Variants in CBFA2T3 observed in about 807,000 individuals in gnomAD.
CBFA2T3 encodes transcriptional corepressor CBFA2T3.
A neutral mutation model predicts 58.6 loss-of-function variants in CBFA2T3; 31 were observed. The ratio of observed to expected loss-of-function variants is 0.53; its 90% CI spans 0.40 to 0.71. The LOEUF (loss-of-function observed/expected upper bound fraction) is 0.71, where lower values mean the gene tolerates loss of function less well. CBFA2T3 is among the 30% of genes least tolerant of loss of function. The pLI, the probability that CBFA2T3 is intolerant of heterozygous loss-of-function variation, is 0.00. For missense variants in CBFA2T3, 1,076 were observed against 963.1 expected (o/e 1.12, Z -1.55); for synonymous variants, 531 against 421.9 (o/e 1.26, Z -3.17).
At chr16:88,890,893 T>C (rs1471440179) in intron 5 of CBFA2T3, among the ~76,000 whole-genome samples, 2 of 152,108 alleles carry the variant, frequency 1.3e-5, no homozygotes, top group African/African-American at 4.8e-5. Context: ...TTTATATTTT[T>C]TGTAGAGATG....
At chr16:88,932,813 A>G (rs1971358819) in intron 1 of CBFA2T3, among the ~76,000 whole-genome samples, 1 of 146,388 alleles carries the variant, frequency 6.8e-6, no homozygotes, top group South Asian at 2.1e-4. Flanking sequence ...AAAAAAAAAA[A>G]AAAAAAAAAG....
rs1968838391 is a variant in CBFA2T3, at chr16:88,876,627, G to C, written c.*349C>G. 3.3e-6 allele frequency: 1 copy of C among 305,296 alleles called. No homozygotes were observed. The highest frequency in any genetic ancestry group is 1.4e-4 in the South Asian group (1 of 6,984). 18.9% of individuals were successfully genotyped at this position (305,296 alleles called of 1,614,324 possible). A position where few individuals can be genotyped will look rare whatever the true frequency, so the allele number is the denominator to read the frequency against. On this transcript the variant is annotated 3_prime_UTR_variant, in exon 12 of 12. Transcript: ENST00000268679. ...TAGAGAAGACAGAGGGGGAGAGACA[G>C]ACAGAGAGGAAAAGAGAGGTGGGCA...
chr16:88,895,454 T>C (rs1007415267), intron 3 of CBFA2T3, among the ~76,000 whole-genome samples: 2 of 152,100 alleles, frequency 1.3e-5, no homozygotes, highest in African/African-American at 4.8e-5. Flanking sequence ...ACACATCCCA[T>C]GCGGCAAATG....
rs143614023 is a variant in CBFA2T3, at chr16:88,885,058, G to A, written c.1105C>T (p.His369Tyr). 462 of 1,598,630 alleles carry A rather than the reference G, an allele frequency of 2.9e-4. 1 individual carries two copies. The highest frequency in any genetic ancestry group is 1.5e-4 in the Non-Finnish European group (180 of 1,176,600). ...CCGGGCTGCTCACCAAGCGGCCGAT[G>A]GCGCTCTCGTAGCTCCCGGGGGTCT... ...HPDPRELRERHRPLVVPGSRQ... is the reference protein window; with the variant it reads ...HPDPRELRERYRPLVVPGSRQ... Residue 369 changes from histidine (H) to tyrosine (Y), a missense_variant, in exon 7 of 12, where the codon CAT (histidine) becomes TAT (tyrosine). Transcript: ENST00000268679. The surrounding 1 kb of genome is among the most constrained non-coding windows in gnomAD (Gnocchi z 5.3).
intron 3 of CBFA2T3, among the ~76,000 whole-genome samples, chr16:88,896,501 G>A (rs28367386): frequency 0.19 from 28,625 of 152,128 alleles, 2,879 homozygotes; most frequent in East Asian, 0.45. Flanking sequence ...CTGGTCTCTC[G>A]CCTTCTGAGC....
In CBFA2T3 at chr16:88,891,976, A is replaced by T. The variant is rs756608268; in HGVS notation, c.622-5T>A. On this transcript the variant is annotated splice_region_variant and splice_polypyrimidine_tract_variant and intron_variant, in intron 4 of 11. Coordinates refer to ENST00000268679, the MANE Select transcript of CBFA2T3 (RefSeq NM_005187.6). ...CTCGATCGTCAATGTCGAGTTCTGCAGGGGAGAAAACCCACCTCACATCAG... is the reference window on the plus strand; with the variant it reads ...CTCGATCGTCAATGTCGAGTTCTGCTGGGGAGAAAACCCACCTCACATCAG... 1 of 1,611,180 alleles carries T rather than the reference A, an allele frequency of 6.2e-7. No homozygotes were observed. Among genetic ancestry groups the T allele is most frequent in the Non-Finnish European group, 8.5e-7 (1 of 1,178,216 alleles).
At chr16:88,912,508 C>G (rs867440949) in intron 1 of CBFA2T3, among the ~76,000 whole-genome samples, 18 of 152,346 alleles carry the variant, frequency 1.2e-4, no homozygotes, top group African/African-American at 3.1e-4. Context: ...GCAAATGTCC[C>G]TCCTCAGAGA....
chr16:88,898,643 G>A (rs531556427), intron 2 of CBFA2T3, among the ~76,000 whole-genome samples: 4 of 152,370 alleles, frequency 2.6e-5, no homozygotes, highest in Admixed American at 6.5e-5. Context: ...GGCCGAAGCC[G>A]CGTGTCCTAA....
intron 1 of CBFA2T3, among the ~76,000 whole-genome samples, chr16:88,903,872 C>T (rs1247846836): frequency 1.3e-5 from 2 of 152,236 alleles, no homozygotes. Context: ...TTTCCAAAGC[C>T]CTCCCATGGA....
intron 1 of CBFA2T3, among the ~76,000 whole-genome samples, chr16:88,973,536 ATCCAGACCCAGAACAT>A (rs757390475): frequency 8.5e-5 from 13 of 152,272 alleles, no homozygotes; most frequent in African/African-American, 3.1e-4. Flanking sequence ...GGGGAGGGCA[ATCCAGACCCAGAACAT>A]TCCAGACCCA....
At chr16:88,964,001 G>GAGAGCTGCCC (rs1689850897) in intron 1 of CBFA2T3, among the ~76,000 whole-genome samples, 1 of 152,256 alleles carries the variant, frequency 6.6e-6, no homozygotes, top group South Asian at 2.1e-4. Context: ...GGAGAGGACA[G>GAGAGCTGCCC]AGAGCTGCCC....
intron 7 of CBFA2T3, chr16:88,883,215 A>G (rs1275214867): frequency 2.7e-5 from 6 of 220,044 alleles, no homozygotes; most frequent in African/African-American, 1.4e-4. Context: ...CATGACCTGG[A>G]CCTGCCTTAG....
chr16:88,880,243 T>C (rs1049318717), intron 10 of CBFA2T3, among the ~76,000 whole-genome samples: 2 of 146,238 alleles, frequency 1.4e-5, no homozygotes, highest in African/African-American at 2.8e-5. Context: ...ACCCTAACCC[T>C]AACCCCAACC....
At chr16:88,927,139 C>T (rs1048814206) in intron 1 of CBFA2T3, among the ~76,000 whole-genome samples, 2 of 152,214 alleles carry the variant, frequency 1.3e-5, no homozygotes, top group African/African-American at 4.8e-5. Flanking sequence ...AGCAGCAGCC[C>T]CGGGCGTACA....
chr16:88,891,449 A>G (rs1265448401), intron 5 of CBFA2T3, among the ~76,000 whole-genome samples: 1 of 152,132 alleles, frequency 6.6e-6, no homozygotes, highest in Non-Finnish European at 1.5e-5. Flanking sequence ...TTCCCACCCC[A>G]GGGTGCTGGC....
intron 1 of CBFA2T3, among the ~76,000 whole-genome samples, chr16:88,913,222 G>A (rs113873915): frequency 9.2e-5 from 14 of 152,350 alleles, no homozygotes; most frequent in African/African-American, 1.9e-4. Context: ...GAGCCCCCAC[G>A]TGAACACGCC....
At chr16:88,925,743 G>A (rs956147625) in intron 1 of CBFA2T3, among the ~76,000 whole-genome samples, 7 of 152,190 alleles carry the variant, frequency 4.6e-5, no homozygotes, top group African/African-American at 9.7e-5. Context: ...GAGCCCCTGC[G>A]TGTGTGGAGA....
chr16:88,943,443 A>C (rs114348154), intron 1 of CBFA2T3, among the ~76,000 whole-genome samples: 2,862 of 152,346 alleles, frequency 0.019, 98 homozygotes, highest in African/African-American at 0.063. Context: ...ATACCACTGC[A>C]GCCATCAGAC....
intron 10 of CBFA2T3, chr16:88,880,149 C>T (rs915159737): frequency 2.2e-4 from 34 of 156,376 alleles, no homozygotes; most frequent in Non-Finnish European, 3.7e-4. Context: ...ACTGCCCACG[C>T]AGCTGGGGAG....
Sources: allele counts gnomAD v4.1 joint callset (sites outside exome capture counted in the v4.1 genomes callset), GRCh38; gene constraint gnomAD v4.1.1; non-coding constraint Gnocchi (gnomAD v3.1); transcripts MANE v1.5; gene names NCBI Gene and HGNC (gene_info 2026-07-23, HGNC 2026-07-21).